The following PIK3C2G variants were observed in gnomAD, a reference collection of about 807,000 sequenced individuals.
PIK3C2G encodes phosphatidylinositol-4-phosphate 3-kinase catalytic subunit type 2 gamma, also known as phosphatidylinositol 3-kinase C2 domain-containing subunit gamma.
Under a neutral mutation model 181.1 loss-of-function variants are expected in PIK3C2G, and 168 were observed. That is an observed-to-expected ratio of 0.93 (90% CI 0.82 to 1.05). PIK3C2G has a LOEUF of 1.05. Among genes scored for constraint, PIK3C2G ranks in the 50% least tolerant of loss-of-function variants. The pLI is 0.00. For missense variants in PIK3C2G, 1,869 were observed against 1,732.8 expected (o/e 1.08, Z -1.40); for synonymous variants, 573 against 592.2 (o/e 0.97, Z 0.47).
At chr12:18,660,735 T>C in the PIK3C2G span, among the ~76,000 whole-genome samples, 2 of 152,096 alleles carry the variant, frequency 1.3e-5, no homozygotes, top group African/African-American at 4.8e-5. Context: ...ATTAGATTCA[T>C]ATATATAGCT....
At chr12:18,456,947 A>T (rs1404643488) in intron 18 of PIK3C2G, among the ~76,000 whole-genome samples, 1 of 152,202 alleles carries the variant, frequency 6.6e-6, no homozygotes, top group Non-Finnish European at 1.5e-5. Flanking sequence ...TTCTTTTTAT[A>T]TAAAAGTTTT....
chr12:18,675,989 C>T, the PIK3C2G span, among the ~76,000 whole-genome samples: 5 of 150,856 alleles, frequency 3.3e-5, no homozygotes, highest in East Asian at 9.8e-4. Context: ...CAAGCCTGAA[C>T]ATATACCTTC....
the PIK3C2G span, among the ~76,000 whole-genome samples, chr12:18,686,687 G>A: frequency 5.9e-5 from 9 of 151,940 alleles, no homozygotes; most frequent in Admixed American, 2.6e-4. Flanking sequence ...CTTGAAGCAC[G>A]AATTACTCTA....
chr12:18,658,954 T>C, the PIK3C2G span, among the ~76,000 whole-genome samples: 1 of 152,144 alleles, frequency 6.6e-6, no homozygotes, highest in Non-Finnish European at 1.5e-5. Flanking sequence ...TCTCTTTCTA[T>C]TGGTGAAGAT....
intron 18 of PIK3C2G, among the ~76,000 whole-genome samples, chr12:18,425,619 T>G (rs1945763209): frequency 6.6e-6 from 1 of 152,094 alleles, no homozygotes; most frequent in East Asian, 1.9e-4. Flanking sequence ...CTTCATCTCT[T>G]GACCTCATGA....
intron 29 of PIK3C2G, among the ~76,000 whole-genome samples, chr12:18,580,337 A>C (rs1178754670): frequency 6.6e-6 from 1 of 152,176 alleles, no homozygotes; most frequent in Non-Finnish European, 1.5e-5. Flanking sequence ...AAGTTCCCTA[A>C]AATAAGAAAT....
chr12:18,607,698 T>C (rs556660826), intron 30 of PIK3C2G, among the ~76,000 whole-genome samples: 38 of 152,038 alleles, frequency 2.5e-4, no homozygotes, highest in African/African-American at 9.2e-4. Context: ...AATTGGCAAA[T>C]GGGATCTAAT....
intron 12 of PIK3C2G, among the ~76,000 whole-genome samples, chr12:18,367,984 G>C (rs1941760940): frequency 6.6e-6 from 1 of 152,142 alleles, no homozygotes; most frequent in Non-Finnish European, 1.5e-5. Flanking sequence ...CCAGGTGGCA[G>C]GAAAAGAGAG....
intron 1 of PIK3C2G, among the ~76,000 whole-genome samples, chr12:18,271,227 C>G (rs1948733997): frequency 6.6e-6 from 1 of 152,058 alleles, no homozygotes; most frequent in South Asian, 2.1e-4. Flanking sequence ...CATGTCTCTT[C>G]TACTTGCTGA....
chr12:18,621,763 C>G (rs1489220999), intron 31 of PIK3C2G, among the ~76,000 whole-genome samples: 7 of 151,592 alleles, frequency 4.6e-5, no homozygotes, highest in Middle Eastern at 3.2e-3. Context: ...TGAAAATCAC[C>G]TATTTATCAT....
At chr12:18,514,980 A>G (rs541222998) in intron 24 of PIK3C2G, among the ~76,000 whole-genome samples, 4 of 152,032 alleles carry the variant, frequency 2.6e-5, no homozygotes, top group South Asian at 4.1e-4. Flanking sequence ...TACTTTTTCT[A>G]TAACTCTTGA....
intron 13 of PIK3C2G, among the ~76,000 whole-genome samples, chr12:18,378,584 T>G (rs1942617129): frequency 6.6e-6 from 1 of 152,098 alleles, no homozygotes; most frequent in African/African-American, 2.4e-5. Flanking sequence ...ACAGGCAACC[T>G]ACAGAATGGG....
chr12:18,650,367 G>T (rs1374135906), downstream of PIK3C2G, among the ~76,000 whole-genome samples: 1 of 138,934 alleles, frequency 7.2e-6, no homozygotes, highest in Admixed American at 7.1e-5. Context: ...GTGTGTGTGT[G>T]TGTGTGTGTC....
At chr12:18,294,118 C>A in intron 5 of PIK3C2G, 103 bp downstream of exon 5, 1 of 599,618 alleles carries the variant, frequency 1.7e-6, no homozygotes. Context: ...ACATTATAGT[C>A]TTATATAATT....
chr12:18,302,613 C>G (rs1950221740), intron 5 of PIK3C2G, among the ~76,000 whole-genome samples: 1 of 152,164 alleles, frequency 6.6e-6, no homozygotes, highest in South Asian at 2.1e-4. Context: ...GCTCAATCCC[C>G]AGGTCCCCAC....
intron 24 of PIK3C2G, among the ~76,000 whole-genome samples, chr12:18,516,706 T>C (rs1041078874): frequency 6.6e-5 from 10 of 152,004 alleles, no homozygotes; most frequent in African/African-American, 2.2e-4. Context: ...ATATCTGGTC[T>C]TGAAGCTCAC....
intron 29 of PIK3C2G, among the ~76,000 whole-genome samples, chr12:18,589,113 G>T (rs182104080): frequency 8.6e-5 from 13 of 151,974 alleles, no homozygotes; most frequent in Admixed American, 4.6e-4. Flanking sequence ...TAGGAGGAGA[G>T]AGAGGATCAG....
chr12:18,611,222 A>G (rs926366808), intron 31 of PIK3C2G, among the ~76,000 whole-genome samples: 2 of 152,046 alleles, frequency 1.3e-5, no homozygotes, highest in Non-Finnish European at 2.9e-5. Context: ...GATTGAGATC[A>G]AGTTATAGGT....
At chr12:18,364,167 A>T (rs1479043914) in intron 12 of PIK3C2G, among the ~76,000 whole-genome samples, 2 of 152,158 alleles carry the variant, frequency 1.3e-5, no homozygotes, top group Non-Finnish European at 2.9e-5. Flanking sequence ...AGTCATTTGC[A>T]TCTTATCTAC....
Sources: gnomAD v4.1 joint callset for allele counts (sites outside exome capture counted in the v4.1 genomes callset) on GRCh38, gnomAD v4.1.1 for gene constraint, MANE v1.5 for transcripts, NCBI Gene and HGNC (gene_info 2026-07-23, HGNC 2026-07-21) for gene names.